Variants in SLC26A5 observed in about 807,000 individuals in gnomAD.
The protein encoded by SLC26A5 is solute carrier family 26 member 5, also known as prestin.
Under a neutral mutation model 81.0 loss-of-function variants are expected in SLC26A5, and 51 were observed. The ratio of observed to expected loss-of-function variants is 0.63; its 90% CI spans 0.50 to 0.80. SLC26A5 has a LOEUF of 0.80. SLC26A5 is among the 30% of genes least tolerant of loss of function. The pLI, the probability that SLC26A5 is intolerant of heterozygous loss-of-function variation, is 0.00. For synonymous variants in SLC26A5, 325 were observed against 332.8 expected (o/e 0.98, Z 0.25); for missense variants, 771 against 905.8 (o/e 0.85, Z 1.91).
downstream of SLC26A5, chr7:103,369,366 G>T (rs1437509001): frequency 6.6e-6 from 1 of 152,120 alleles, no homozygotes; most frequent in African/African-American, 2.4e-5. Flanking sequence ...TGAATGTTTT[G>T]ATTAAATAAA....
At chr7:103,376,980 G>T in intron 18 of SLC26A5, 118 bp from the exon 19 acceptor site, 1 of 692,576 alleles carries the variant, frequency 1.4e-6, no homozygotes. Context: ...GAGCTACTTT[G>T]CTTCAATAAT....
intron 14 of SLC26A5, among the ~76,000 whole-genome samples, chr7:103,384,056 A>G (rs1241180916): frequency 6.6e-6 from 1 of 152,144 alleles, no homozygotes; most frequent in Non-Finnish European, 1.5e-5. Flanking sequence ...CTTTGAGCCC[A>G]GGAATTCAAG....
intron 2 of SLC26A5, among the ~76,000 whole-genome samples, chr7:103,427,718 C>T (rs1471750927): frequency 6.6e-6 from 1 of 151,966 alleles, no homozygotes; most frequent in Non-Finnish European, 1.5e-5. Context: ...AGCCCTGGTT[C>T]TGTACCTTAA....
intron 14 of SLC26A5, among the ~76,000 whole-genome samples, chr7:103,381,293 TAC>T (rs1406208512): frequency 6.7e-6 from 1 of 148,282 alleles, no homozygotes; most frequent in South Asian, 2.2e-4. Context: ...ACATACACAA[TAC>T]ACACATCTAC....
intron 8 of SLC26A5, among the ~76,000 whole-genome samples, chr7:103,400,938 G>C (rs978550285): frequency 5.3e-5 from 8 of 152,172 alleles, no homozygotes; most frequent in Non-Finnish European, 1.2e-4. Context: ...TTTGGTACCA[G>C]TACCATGCTG....
chr7:103,391,694 G>A lies in SLC26A5; in HGVS notation c.1161C>T (p.Leu387=), dbSNP rs754439547. The A allele has an allele frequency of 2.5e-6, 4 of 1,614,118 alleles. No homozygotes were observed. The highest frequency in any genetic ancestry group is 2.2e-5 in the East Asian group (1 of 44,882). ...ALGLCNSIGS[L]FQTFSISCSL... is the part of the protein sequence containing the mutation. ...AGCATGAAATTGAAAAGGTCTGGAA[G>A]AGTGAGCCAATGGAATTGCACAGTC... The change falls in exon 11 of 20, where the codon CTC becomes CTT. Residue 387 remains leucine, a synonymous_variant. Transcript: ENST00000306312.
At chr7:103,417,632 C>T (rs1345554332) in intron 4 of SLC26A5, among the ~76,000 whole-genome samples, 1 of 152,152 alleles carries the variant, frequency 6.6e-6, no homozygotes, top group Non-Finnish European at 1.5e-5. Flanking sequence ...TAGCCCCTAC[C>T]TCTCTTTTGG....
At chr7:103,419,175 T>C (rs1277763687) in intron 4 of SLC26A5, among the ~76,000 whole-genome samples, 1 of 152,204 alleles carries the variant, frequency 6.6e-6, no homozygotes, top group African/African-American at 2.4e-5. Flanking sequence ...ACTGTGAGTC[T>C]ATTAAACCTC....
Position 103,383,211 on chromosome 7 carries a change from A to G in SLC26A5, c.1515-2662T>C, listed in dbSNP as rs1586226104. Among the ~76,000 whole-genome samples the G allele has an allele frequency of 2.0e-5, 3 of 152,346 alleles. No homozygotes were observed. In the South Asian group the frequency reaches 6.2e-4, roughly 32 times the overall value. On this transcript the variant is annotated intron_variant, in intron 14 of 19. Coordinates refer to ENST00000306312, the MANE Select transcript of SLC26A5 (RefSeq NM_198999.3). Reference sequence around the variant, plus strand: ...TTATGAGAAAACCTCTAAGAGACTCAAAGTGCTGTCCATGTGTTGCAATCC... The same window carrying G: ...TTATGAGAAAACCTCTAAGAGACTCGAAGTGCTGTCCATGTGTTGCAATCC...
downstream of SLC26A5, chr7:103,369,290 C>T (rs1366580584): frequency 6.6e-6 from 1 of 152,062 alleles, no homozygotes; most frequent in African/African-American, 2.4e-5. Context: ...TTAAATAGAG[C>T]AAACTATTTT....
rs751595291 is a variant in SLC26A5, at chr7:103,410,426, C to A, written c.694G>T (p.Val232Phe). Residue 232 changes from valine (V) to phenylalanine (F), a missense_variant, in exon 7 of 20, where the codon GTT (valine) becomes TTT (phenylalanine). Physicochemically the swap from Val to Phe is conservative, Grantham distance 50 (BLOSUM62 -1). Transcript: ENST00000306312. ...ATTCCACTGTACCGCTTTGTTTTAA[C>A]TCCAAACAGATATTTTAACATGGAG... Reference protein sequence around the residue: ...FTSMLKYLFGVKTKRYSGIFS... With the variant: ...FTSMLKYLFGFKTKRYSGIFS... 1 of 1,614,014 alleles carries A rather than the reference C, an allele frequency of 6.2e-7. No homozygotes were observed. The highest frequency in any genetic ancestry group is 1.7e-5 in the Admixed American group (1 of 60,012).
chr7:103,397,783 T>C, intron 9 of SLC26A5, 149 bp downstream of exon 9: 1 of 611,590 alleles, frequency 1.6e-6, no homozygotes, highest in South Asian at 2.0e-5. Flanking sequence ...AAAATAAAAA[T>C]AAAATGCACC....
downstream of SLC26A5, among the ~76,000 whole-genome samples, chr7:103,371,031 C>CTTA (rs1211044120): frequency 2.6e-5 from 4 of 152,186 alleles, no homozygotes; most frequent in African/African-American, 7.2e-5. Context: ...AACAGGTGGG[C>CTTA]TTATATATTA....
At position 103,410,555 on chromosome 7, in the gene SLC26A5, T is replaced by G; in HGVS notation, c.571-6A>C. ...CTACAGACACCTAGGCAAAACTATT[T>G]TTTTTTAATGACAAAGAAACAAATG... On this transcript the variant is annotated splice_polypyrimidine_tract_variant and splice_region_variant and intron_variant, in intron 6 of 19. Transcript: ENST00000306312. 1 of 1,606,256 alleles carries G rather than the reference T, an allele frequency of 6.2e-7. No homozygotes were observed. The highest frequency in any genetic ancestry group is 8.5e-7 in the Non-Finnish European group (1 of 1,175,642).
chr7:103,390,428 C>A lies in SLC26A5; in HGVS notation c.1311+1G>T, dbSNP rs775034495. On this transcript the variant is annotated splice_donor_variant, in intron 12 of 19. Transcript: ENST00000306312. LOFTEE classifies it high-confidence loss of function. The stretch of plus-strand genomic sequence containing the variant: ...TTCACCCAAGTCCACATTACACACA[C>A]CTGGGGCAATGATTCAAAGAGGAAT... 2 of 1,613,830 alleles carry A rather than the reference C, an allele frequency of 1.2e-6. No homozygotes were observed. The highest frequency in any genetic ancestry group is 1.7e-6 in the Non-Finnish European group (2 of 1,179,734).
intron 9 of SLC26A5, among the ~76,000 whole-genome samples, chr7:103,397,224 T>C (rs1399683263): frequency 1.3e-5 from 2 of 151,366 alleles, no homozygotes; most frequent in African/African-American, 4.9e-5. Context: ...CTGGCCAACA[T>C]GGAGAAACCC....
intron 14 of SLC26A5, among the ~76,000 whole-genome samples, chr7:103,381,322 C>CCA (rs1055514133): frequency 6.6e-6 from 1 of 151,284 alleles, no homozygotes; most frequent in Non-Finnish European, 1.5e-5. Flanking sequence ...TGCATGTACA[C>CCA]CACACACACA....
At chr7:103,366,068 C>T in intron 19 of SLC26A5, 1 of 1,590,906 alleles carries the variant, frequency 6.3e-7, no homozygotes, top group Non-Finnish European at 8.5e-7. Flanking sequence ...AATCATTTTT[C>T]TCATTAGGGG....
chr7:103,430,852 T>C (rs1290921637), intron 2 of SLC26A5, among the ~76,000 whole-genome samples: 1 of 152,234 alleles, frequency 6.6e-6, no homozygotes, highest in Non-Finnish European at 1.5e-5. Context: ...CCATGGGCTC[T>C]TGTTATTTGA....
Sources: gnomAD v4.1 joint callset for allele counts (sites outside exome capture counted in the v4.1 genomes callset) on GRCh38, gnomAD v4.1.1 for gene constraint, MANE v1.5 for transcripts, NCBI Gene and HGNC (gene_info 2026-07-23, HGNC 2026-07-21) for gene names.